Variants in CFAP61 observed in about 807,000 individuals in gnomAD.
CFAP61 encodes cilia and flagella associated protein 61.
A neutral mutation model predicts 135.6 loss-of-function variants in CFAP61; 107 were observed. That is an observed-to-expected ratio of 0.79 (90% confidence interval 0.67 to 0.93). CFAP61 has a LOEUF of 0.93. Among genes scored for constraint, CFAP61 ranks in the 40% least tolerant of loss-of-function variants. CFAP61 has a pLI of 0.00. For synonymous variants in CFAP61, 575 were observed against 578.5 expected (o/e 0.99, Z 0.09); for missense variants, 1,507 against 1,556.2 (o/e 0.97, Z 0.53).
intron 5 of CFAP61, 95 bp from the exon 6 acceptor site, chr20:20,075,394 T>TA (rs11482118): frequency 0.73 from 1,083,925 of 1,489,446 alleles, 397,516 homozygotes; most frequent in East Asian, 0.9. Flanking sequence ...TTAGAACAAT[T>TA]AAGCACAATT....
chr20:20,075,141 G>T lies in CFAP61; in HGVS notation c.372-48G>T, dbSNP rs749471321. 4.7e-5 allele frequency: 73 copies of T among 1,556,268 alleles called. No homozygotes were observed. In the South Asian group the frequency reaches 7.9e-4, roughly 17 times the overall value. ...TTGTCTTCATCAAGTGCCAGCTGAT[G>T]GGATTGCTTTGTTAGTAACACTGCC... On this transcript the variant is annotated intron_variant, in intron 4 of 26. Transcript: ENST00000245957.
At chr20:20,086,617 G>A (rs79202109) in intron 6 of CFAP61, among the ~76,000 whole-genome samples, 7,074 of 151,972 alleles carry the variant, frequency 0.047, 536 homozygotes, top group African/African-American at 0.16. Context: ...CTGCCCCTTG[G>A]GCATAAAAAT....
rs570206365 is a variant in CFAP61, at chr20:20,200,923, C to T, written c.1932+1021C>T. On this transcript the variant is annotated intron_variant, in intron 17 of 26. Coordinates refer to ENST00000245957, the MANE Select transcript of CFAP61 (RefSeq NM_015585.4). ...TGAGGGATGGGGAGGGCACCTCCAT[C>T]AGACCAACTCAGAGGCAGCTTTGTG... 6.6e-4 allele frequency: 651 copies of T among 985,260 alleles called. 1 individual carries two copies. The highest frequency in any genetic ancestry group is 7.5e-4 in the Non-Finnish European group (620 of 829,930). 61.0% of individuals were successfully genotyped at this position (985,260 alleles called of 1,614,324 possible). A position where few individuals can be genotyped will look rare whatever the true frequency, so the allele number is the denominator to read the frequency against.
intron 9 of CFAP61, among the ~76,000 whole-genome samples, chr20:20,147,397 C>T (rs888391845): frequency 6.6e-6 from 1 of 152,218 alleles, no homozygotes; most frequent in African/African-American, 2.4e-5. Flanking sequence ...ACCACATCCA[C>T]ACCAACATCT....
rs867451313 is a variant in CFAP61, at chr20:20,265,268, G to A, written c.2503+2138G>A. 1.3e-5 allele frequency: 9 copies of A among 710,622 alleles called. No individual in the cohort carries two copies. In the Middle Eastern group the frequency reaches 9.8e-4, roughly 77 times the overall value. The allele number at this position is 710,622 out of a possible 1,614,324, so 44.0% of individuals were successfully genotyped here. On this transcript the variant is annotated intron_variant, in intron 21 of 26. Coordinates refer to ENST00000245957, the MANE Select transcript of CFAP61 (RefSeq NM_015585.4). ...TTGTGTGTTTTGGTTGTTTGGGCTAGGGAGCATTTGACCAAGAAAAGAGCC... is the reference window on the plus strand; with the variant it reads ...TTGTGTGTTTTGGTTGTTTGGGCTAAGGAGCATTTGACCAAGAAAAGAGCC...
intron 10 of CFAP61, among the ~76,000 whole-genome samples, chr20:20,163,082 G>T (rs912931250): frequency 6.6e-6 from 1 of 152,150 alleles, no homozygotes; most frequent in African/African-American, 2.4e-5. Context: ...CCAAATAAAT[G>T]AAAACGTTGA....
chr20:20,338,863 G>A (rs556477412), intron 25 of CFAP61, among the ~76,000 whole-genome samples: 162 of 152,328 alleles, frequency 1.1e-3, no homozygotes, highest in African/African-American at 3.7e-3. Flanking sequence ...TTAATGATCG[G>A]ACTATATCGA....
intron 8 of CFAP61, among the ~76,000 whole-genome samples, chr20:20,139,882 T>C (rs1385493607): frequency 1.3e-5 from 2 of 152,248 alleles, no homozygotes; most frequent in African/African-American, 4.8e-5. Flanking sequence ...TTCCTAATTA[T>C]AAAAGAAGCA....
At chr20:20,275,464 TTACCTTTGG>T (rs2053683668) in intron 21 of CFAP61, among the ~76,000 whole-genome samples, 1 of 152,234 alleles carries the variant, frequency 6.6e-6, no homozygotes, top group African/African-American at 2.4e-5. Context: ...ACAAAATGTA[TTACCTTTGG>T]AATTGAAAAG....
At chr20:20,332,321 C>T (rs554091092) in intron 25 of CFAP61, among the ~76,000 whole-genome samples, 2 of 152,302 alleles carry the variant, frequency 1.3e-5, no homozygotes, top group African/African-American at 4.8e-5. Context: ...AAAACTGGTT[C>T]GCTCTGGCAA....
chr20:20,084,578 G>A (rs973201257), intron 6 of CFAP61, among the ~76,000 whole-genome samples: 1 of 152,206 alleles, frequency 6.6e-6, no homozygotes, highest in Non-Finnish European at 1.5e-5. Flanking sequence ...ATCATGTAGT[G>A]CAGCAGCCAG....
intron 8 of CFAP61, among the ~76,000 whole-genome samples, chr20:20,127,005 T>C (rs1013977047): frequency 6.6e-6 from 1 of 151,602 alleles, no homozygotes; most frequent in Non-Finnish European, 1.5e-5. Context: ...TGTTCAATTA[T>C]GTTGCTGAGA....
intron 9 of CFAP61, among the ~76,000 whole-genome samples, chr20:20,149,383 C>CAA (rs2052203447): frequency 6.6e-6 from 1 of 152,156 alleles, no homozygotes; most frequent in African/African-American, 2.4e-5. Context: ...CTTGGATGGA[C>CAA]AAAACAGCAT....
At chr20:20,166,804 G>A (rs2053872159) in intron 12 of CFAP61, among the ~76,000 whole-genome samples, 1 of 152,134 alleles carries the variant, frequency 6.6e-6, no homozygotes, top group Non-Finnish European at 1.5e-5. Context: ...TTTTCTGAGG[G>A]TAGCAAAGTA....
intron 26 of CFAP61, among the ~76,000 whole-genome samples, chr20:20,356,176 G>A (rs1471621260): frequency 6.0e-4 from 87 of 144,040 alleles, no homozygotes; most frequent in Non-Finnish European, 1.1e-3. Flanking sequence ...GTCACACTGA[G>A]GGGGGGTGGT....
chr20:20,130,110 A>G lies in CFAP61; in HGVS notation c.860-12747A>G, dbSNP rs190113767. On this transcript the variant is annotated intron_variant, in intron 8 of 26. Coordinates refer to ENST00000245957, the MANE Select transcript of CFAP61 (RefSeq NM_015585.4). Reference sequence around the variant, plus strand: ...TGAGACCAGCCTGGCCAACATGGTGAAACCCCGTCTCTACTAAAGATACAA... The same window carrying G: ...TGAGACCAGCCTGGCCAACATGGTGGAACCCCGTCTCTACTAAAGATACAA... 2.1e-3 allele frequency among the ~76,000 whole-genome samples: 320 copies of G among 151,608 alleles called. 4 individuals are homozygous for G. Among genetic ancestry groups the G allele is most frequent in the African/African-American group, 7.5e-3 (309 of 40,980 alleles).
At chr20:20,183,179 G>C (rs2055247079) in intron 13 of CFAP61, among the ~76,000 whole-genome samples, 1 of 150,558 alleles carries the variant, frequency 6.6e-6, no homozygotes, top group Admixed American at 6.6e-5. Flanking sequence ...TTTTTAGATA[G>C]AGTCTCACTG....
intron 25 of CFAP61, among the ~76,000 whole-genome samples, chr20:20,308,380 G>A (rs2056603947): frequency 6.6e-6 from 1 of 151,770 alleles, no homozygotes; most frequent in Admixed American, 6.6e-5. Flanking sequence ...CTGTTTTGGT[G>A]GGGTCAATTA....
intron 22 of CFAP61, among the ~76,000 whole-genome samples, chr20:20,288,181 A>T (rs2054731655): frequency 6.6e-6 from 1 of 152,200 alleles, no homozygotes. Context: ...TGAAGACTGG[A>T]TGAGATCAAC....
Sources: allele counts gnomAD v4.1 joint callset (sites outside exome capture counted in the v4.1 genomes callset), GRCh38; gene constraint gnomAD v4.1.1; transcripts MANE v1.5; gene names NCBI Gene and HGNC (gene_info 2026-07-23, HGNC 2026-07-21).